The following ATG14 variants were observed in gnomAD, a reference collection of about 807,000 sequenced individuals.
ATG14 encodes beclin 1-associated autophagy-related key regulator.
In ATG14, 35 loss-of-function variants were observed where a neutral mutation model predicts 60.4. That is an observed-to-expected ratio of 0.58 (90% CI 0.44 to 0.77). The LOEUF is 0.77. Ranked by LOEUF, ATG14 falls within the 30% of genes least tolerant of loss-of-function variation. The pLI is 0.00. For missense variants in ATG14, 647 were observed against 626.3 expected, an observed-to-expected ratio of 1.03 and a Z score of -0.35; for synonymous variants, 234 against 228.8, an observed-to-expected ratio of 1.02 and a Z score of -0.21.
At chr14:55,386,747 T>C (rs1885131886) in intron 4 of ATG14, among the ~76,000 whole-genome samples, 1 of 152,168 alleles carries the variant, frequency 6.6e-6, no homozygotes, top group South Asian at 2.1e-4. Context: ...CCTGTCAGAT[T>C]TAGGTCCTTT....
intron 9 of ATG14, among the ~76,000 whole-genome samples, chr14:55,376,689 T>A (rs932889228): frequency 6.6e-6 from 1 of 152,152 alleles, no homozygotes; most frequent in Admixed American, 6.5e-5. Flanking sequence ...TGGGTTTCAG[T>A]AGATGGATGA....
intron 5 of ATG14, among the ~76,000 whole-genome samples, chr14:55,383,401 A>T (rs1267788559): frequency 1.3e-5 from 2 of 152,086 alleles, no homozygotes; most frequent in Non-Finnish European, 1.5e-5. Context: ...AAATACAAAA[A>T]TAAGCTGGGC....
chr14:55,369,705 T>C lies in ATG14; in HGVS notation c.1393A>G (p.Ile465Val). The C allele has an allele frequency of 6.2e-7, 1 of 1,609,092 alleles. No individual in the cohort carries two copies. The highest frequency in any genetic ancestry group is 2.2e-5 in the East Asian group (1 of 44,750). Residue 465 changes from isoleucine to valine, a missense_variant, in exon 10 of 10, where the codon ATC becomes GTC. Ile to Val is a conservative substitution (Grantham distance 29). Transcript: ENST00000247178. Reference protein sequence around the residue: ...QSQSTQASPPIASSSAGGMIS... With the variant: ...QSQSTQASPPVASSSAGGMIS... ...ATCCCACCTGCACTGCTGCTCGCGA[T>C]GGGTGGGGACGCCTGGGTGCTCTGA... is the stretch of plus-strand genomic sequence containing the variant.
intron 4 of ATG14, among the ~76,000 whole-genome samples, chr14:55,386,482 G>C (rs1466328781): frequency 6.6e-6 from 1 of 152,194 alleles, no homozygotes; most frequent in Non-Finnish European, 1.5e-5. Flanking sequence ...GATTTCCCTA[G>C]AAACTTCTTA....
At chr14:55,375,410 GCTC>G (rs1049590279) in intron 9 of ATG14, among the ~76,000 whole-genome samples, 4 of 151,426 alleles carry the variant, frequency 2.6e-5, no homozygotes, top group African/African-American at 9.7e-5. Flanking sequence ...ACAGCCTGGA[GCTC>G]CTCAACTCAG....
At chr14:55,387,113 C>G (rs1343469584) in intron 4 of ATG14, among the ~76,000 whole-genome samples, 2 of 152,080 alleles carry the variant, frequency 1.3e-5, no homozygotes, top group African/African-American at 2.4e-5. Context: ...CGACTCCACG[C>G]CTTCATGCCC....
chr14:55,369,878 A>G lies in ATG14; in HGVS notation c.1220T>C (p.Phe407Ser), dbSNP rs772234940. Residue 407 changes from phenylalanine to serine, a missense_variant, in exon 10 of 10, where the codon TTT becomes TCT. Coordinates refer to ENST00000247178, the MANE Select transcript of ATG14 (RefSeq NM_014924.5). ...VRADLEESME[F>S]VDPGVAGESD... ...TTCTCCAGCAACTCCGGGATCCACA[A>G]ATTCCATGGACTCCTCAAGGTCTGC... 2.3e-5 allele frequency: 37 copies of G among 1,614,080 alleles called. No individual in the cohort carries two copies. Among genetic ancestry groups the G allele is most frequent in the Non-Finnish European group, 3.0e-5 (35 of 1,179,986 alleles).
Position 55,369,747 on chromosome 14 carries a change from C to T in ATG14, c.1351G>A (p.Val451Met). Residue 451 changes from valine (V) to methionine (M), a missense_variant, in exon 10 of 10, where the codon GTG becomes ATG. Transcript: ENST00000247178. ...PRFCDIPSQS[V>M]EVSQSQSTQA... ...GTGCTCTGACTCTGGGAGACTTCCA[C>T]AGACTGGGAAGGGATATCACAAAAC... 1 of 1,614,102 alleles carries T rather than the reference C, an allele frequency of 6.2e-7. No individual in the cohort carries two copies. Among genetic ancestry groups the T allele is most frequent in the Non-Finnish European group, 8.5e-7 (1 of 1,179,960 alleles).
chr14:55,397,872 G>C (rs1316254352), intron 1 of ATG14, among the ~76,000 whole-genome samples: 1 of 150,490 alleles, frequency 6.6e-6, no homozygotes, highest in Non-Finnish European at 1.5e-5. Context: ...TAATTTTATT[G>C]CTAGTTATCA....
intron 5 of ATG14, 136 bp downstream of exon 5, chr14:55,385,723 A>T: frequency 1.2e-6 from 1 of 838,864 alleles, no homozygotes; most frequent in Non-Finnish European, 1.8e-6. Context: ...GTTTGTTGAA[A>T]CAGATAAGAC....
intron 9 of ATG14, among the ~76,000 whole-genome samples, chr14:55,373,334 T>C (rs1884858153): frequency 1.3e-5 from 2 of 152,236 alleles, no homozygotes; most frequent in African/African-American, 2.4e-5. Context: ...TTTTATAATA[T>C]ATCCTATTTC....
At position 55,400,230 on chromosome 14, in the gene ATG14, T is replaced by C. The variant is rs561123934; in HGVS notation, c.222-2796A>G. The stretch of plus-strand genomic sequence containing the variant: ...GGAGATAAAAAATTCATTCCACAAG[T>C]CTGTGCTTTCTCAATACAGCTTCCA... On this transcript the variant is annotated intron_variant, in intron 1 of 9. Coordinates refer to ENST00000247178, the MANE Select transcript of ATG14 (RefSeq NM_014924.5). 8.3e-4 allele frequency among the ~76,000 whole-genome samples: 126 copies of C among 152,252 alleles called. No individual in the cohort carries two copies. In the Middle Eastern group the frequency reaches 0.014, roughly 16 times the overall value.
intron 9 of ATG14, among the ~76,000 whole-genome samples, chr14:55,377,505 C>T (rs373136817): frequency 3.2e-4 from 48 of 152,110 alleles, no homozygotes; most frequent in African/African-American, 9.6e-4. Context: ...AAGAAATAGA[C>T]GCAGATCCAA....
chr14:55,406,229 G>GA lies in ATG14; in HGVS notation c.221+5372dup, dbSNP rs201672848. ...TTCAGCTAGTCTGTTAATGAAACCT[G>GA]AAAAAAATACATTTACCTTTACAAG... On this transcript the variant is annotated intron_variant, in intron 1 of 9. Transcript: ENST00000247178. Among the ~76,000 whole-genome samples the GA allele has an allele frequency of 5.1e-3, 778 of 152,052 alleles. 29 individuals are homozygous for GA. Among genetic ancestry groups the GA allele is most frequent in the Admixed American group, 0.044 (673 of 15,262 alleles).
chr14:55,370,178 C>T (rs982932224), intron 9 of ATG14, among the ~76,000 whole-genome samples: 3 of 152,150 alleles, frequency 2.0e-5, no homozygotes, highest in East Asian at 1.9e-4. Context: ...TGGTGATGAC[C>T]GTGCATAGGA....
chr14:55,401,401 TTTG>T (rs758104250), intron 1 of ATG14, among the ~76,000 whole-genome samples: 12 of 152,164 alleles, frequency 7.9e-5, no homozygotes, highest in Non-Finnish European at 1.5e-4. Context: ...CATACATCTT[TTTG>T]TTGTTGTTGT....
At chr14:55,374,850 T>C (rs1434697578) in intron 9 of ATG14, among the ~76,000 whole-genome samples, 1 of 152,216 alleles carries the variant, frequency 6.6e-6, no homozygotes, top group Non-Finnish European at 1.5e-5. Flanking sequence ...ATTTTCTTCC[T>C]CTAATCACTC....
chr14:55,385,475 TAG>T (rs1299397431), intron 5 of ATG14, among the ~76,000 whole-genome samples: 11 of 152,220 alleles, frequency 7.2e-5, no homozygotes, highest in African/African-American at 2.7e-4. Context: ...GTATTTTTAG[TAG>T]AGACAGGGTT....
intron 9 of ATG14, among the ~76,000 whole-genome samples, chr14:55,372,161 C>T (rs1884833590): frequency 6.6e-6 from 1 of 152,146 alleles, no homozygotes; most frequent in Non-Finnish European, 1.5e-5. Flanking sequence ...AAAACTTTAG[C>T]TGGCTGGGAC....
Sources: allele counts gnomAD v4.1 joint callset (sites outside exome capture counted in the v4.1 genomes callset), GRCh38; gene constraint gnomAD v4.1.1; transcripts MANE v1.5; gene names NCBI Gene and HGNC (gene_info 2026-07-23, HGNC 2026-07-21).